CCNY: variants seen among roughly 807,000 people sequenced by gnomAD.
CCNY encodes cyclin Y.
In CCNY, 19 loss-of-function variants were observed where a neutral mutation model predicts 42.8. That is an observed-to-expected ratio of 0.44 (90% CI 0.31 to 0.65). The LOEUF (loss-of-function observed/expected upper bound fraction) is 0.65, where lower values mean the gene tolerates loss of function less well. Among genes scored for constraint, CCNY ranks in the 30% least tolerant of loss-of-function variants. The pLI, the probability that CCNY is intolerant of heterozygous loss-of-function variation, is 0.07. For synonymous variants in CCNY, 165 were observed against 162.7 expected (o/e 1.01, Z -0.11); for missense variants, 370 against 437.3 (o/e 0.85, Z 1.37).
intron 1 of CCNY, among the ~76,000 whole-genome samples, chr10:35,466,588 A>G (rs1222337439): frequency 6.6e-6 from 1 of 152,166 alleles, no homozygotes; most frequent in Admixed American, 6.5e-5. Context: ...AACAGGCACT[A>G]GCATTTATCC....
At chr10:35,372,679 T>C (rs1340132954) in intron 1 of CCNY, among the ~76,000 whole-genome samples, 8 of 152,214 alleles carry the variant, frequency 5.3e-5, no homozygotes, top group Non-Finnish European at 2.9e-5. Flanking sequence ...GTATCCCATT[T>C]CATAGAGAGC....
intron 3 of CCNY, among the ~76,000 whole-genome samples, chr10:35,311,826 A>G (rs567674222): frequency 6.6e-6 from 1 of 152,118 alleles, no homozygotes; most frequent in African/African-American, 2.4e-5. Context: ...TCTCTACAAA[A>G]AATTTAAAAA....
chr10:35,247,769 G>T (rs553951900), intron 1 of CCNY, among the ~76,000 whole-genome samples: 2 of 150,766 alleles, frequency 1.3e-5, no homozygotes. Context: ...CCAGCTACTC[G>T]GGAGGCTGAG....
chr10:35,289,655 CCT>C (rs1157494444), intron 3 of CCNY, among the ~76,000 whole-genome samples: 9 of 151,362 alleles, frequency 5.9e-5, no homozygotes, highest in East Asian at 5.9e-4. Context: ...AGGCGGATCA[CCT>C]GAGGTCATGA....
At chr10:35,531,937 T>G (rs527289706) in intron 7 of CCNY, among the ~76,000 whole-genome samples, 2 of 152,388 alleles carry the variant, frequency 1.3e-5, no homozygotes, top group South Asian at 4.1e-4. Context: ...ACAGGGCTGA[T>G]GAGTTCATTT....
Position 35,414,569 on chromosome 10 carries a change from AG to A in CCNY, c.155-68831del, listed in dbSNP as rs1167152104. 1.7e-4 allele frequency among the ~76,000 whole-genome samples: 26 copies of A among 152,334 alleles called. 1 individual carries two copies. The East Asian group carries it at 4.6e-3, about 27-fold the overall frequency. On this transcript the variant is annotated intron_variant, in intron 1 of 9. Transcript: ENST00000374704. ...CACAGGCCCCTCTCGCACTTAGGAA[AG>A]GGGATTACATAAGAGCATGAATACC...
chr10:35,387,631 T>C (rs1350010143), intron 1 of CCNY, among the ~76,000 whole-genome samples: 1 of 152,214 alleles, frequency 6.6e-6, no homozygotes, highest in African/African-American at 2.4e-5. Context: ...TTCTGAAAAG[T>C]GCTCATGCAC....
chr10:35,498,700 G>T (rs140759572), intron 2 of CCNY, among the ~76,000 whole-genome samples: 1 of 152,156 alleles, frequency 6.6e-6, no homozygotes, highest in Non-Finnish European at 1.5e-5. Context: ...GTTTGGGGGC[G>T]CGGAAGACGC....
chr10:35,340,000 T>A (rs1262321162), intron 1 of CCNY, among the ~76,000 whole-genome samples: 1 of 152,220 alleles, frequency 6.6e-6, no homozygotes, highest in Non-Finnish European at 1.5e-5. Context: ...AAAAAAATGA[T>A]AGTAATAATT....
intron 1 of CCNY, among the ~76,000 whole-genome samples, chr10:35,430,677 A>G (rs1376401627): frequency 1.3e-5 from 2 of 152,212 alleles, no homozygotes; most frequent in Non-Finnish European, 2.9e-5. Flanking sequence ...ATTGAGGATA[A>G]TGGTTATTTG....
chr10:35,410,450 G>A (rs1837879700), intron 1 of CCNY, among the ~76,000 whole-genome samples: 1 of 151,988 alleles, frequency 6.6e-6, no homozygotes, highest in Non-Finnish European at 1.5e-5. Flanking sequence ...ATGTGATCAC[G>A]GAAACACTGC....
chr10:35,359,066 A>G (rs1836622971), intron 1 of CCNY, among the ~76,000 whole-genome samples: 2 of 152,244 alleles, frequency 1.3e-5, no homozygotes, highest in East Asian at 1.9e-4. Flanking sequence ...CCTTGCCTAC[A>G]TGGCTTATTA....
At chr10:35,311,990 AAAT>A (rs1395145513) in intron 3 of CCNY, among the ~76,000 whole-genome samples, 1 of 151,690 alleles carries the variant, frequency 6.6e-6, no homozygotes, top group Non-Finnish European at 1.5e-5. Context: ...TGTCTAAAAA[AAAT>A]TTTTTTGTTT....
intron 3 of CCNY, among the ~76,000 whole-genome samples, chr10:35,316,562 G>T (rs1835762736): frequency 6.6e-6 from 1 of 152,032 alleles, no homozygotes; most frequent in African/African-American, 2.4e-5. Flanking sequence ...GCCAAAATTG[G>T]GTGTAATCTC....
intron 3 of CCNY, among the ~76,000 whole-genome samples, chr10:35,269,626 T>G (rs11817032): frequency 0.017 from 2,333 of 138,708 alleles, 51 homozygotes; most frequent in African/African-American, 0.048. Flanking sequence ...TCTTTTTTTT[T>G]TTTTGTTTTG....
chr10:35,413,307 G>C (rs1479954051), intron 1 of CCNY, among the ~76,000 whole-genome samples: 1 of 152,136 alleles, frequency 6.6e-6, no homozygotes, highest in Non-Finnish European at 1.5e-5. Flanking sequence ...AAGGAATGTG[G>C]GGTGAACTGG....
intron 7 of CCNY, among the ~76,000 whole-genome samples, chr10:35,540,081 A>G (rs896285056): frequency 3.3e-5 from 5 of 152,174 alleles, no homozygotes; most frequent in African/African-American, 1.2e-4. Context: ...CCTAGTTGCC[A>G]CAGTTAGTAC....
chr10:35,543,006 C>T (rs779016527), intron 7 of CCNY, among the ~76,000 whole-genome samples: 1 of 152,222 alleles, frequency 6.6e-6, no homozygotes, highest in Non-Finnish European at 1.5e-5. Flanking sequence ...TCTTAGCGCA[C>T]ATCACTGCCC....
In CCNY at chr10:35,505,312, G is replaced by A. The variant is rs569644156; in HGVS notation, c.264+3777G>A. On this transcript the variant is annotated intron_variant, in intron 3 of 9. Transcript: ENST00000374704. ...AAGATGTGAAAACAGAATGAATGAGGAGTTGAATAGCCAGCTTCCTTTGTC... is the reference window on the plus strand; with the variant it reads ...AAGATGTGAAAACAGAATGAATGAGAAGTTGAATAGCCAGCTTCCTTTGTC... Among the ~76,000 whole-genome samples, 21 of 151,886 alleles carry A rather than the reference G, an allele frequency of 1.4e-4. No individual in the cohort carries two copies. The South Asian group carries it at 4.4e-3, about 32-fold the overall frequency.
Sources: allele counts gnomAD v4.1 joint callset (sites outside exome capture counted in the v4.1 genomes callset), GRCh38; gene constraint gnomAD v4.1.1; transcripts MANE v1.5; gene names NCBI Gene and HGNC (gene_info 2026-07-23, HGNC 2026-07-21).